The following NAALADL2 variants were observed in gnomAD, a reference collection of about 807,000 sequenced individuals.
NAALADL2 encodes the protein inactive N-acetylated-alpha-linked acidic dipeptidase-like protein 2.
A neutral mutation model predicts 87.2 loss-of-function variants in NAALADL2; 76 were observed. That is an observed-to-expected ratio of 0.87 (90% confidence interval 0.72 to 1.05). The LOEUF is 1.05. Ranked by LOEUF, NAALADL2 falls within the 50% of genes least tolerant of loss-of-function variation. NAALADL2 has a pLI of 0.00. For missense variants in NAALADL2, 1,089 were observed against 945.8 expected, an observed-to-expected ratio of 1.15 and a Z score of -1.99; for synonymous variants, 354 against 331.0, an observed-to-expected ratio of 1.07 and a Z score of -0.75.
At chr3:175,444,652 G>A (rs1389552837) in intron 5 of NAALADL2, among the ~76,000 whole-genome samples, 1 of 152,048 alleles carries the variant, frequency 6.6e-6, no homozygotes, top group Non-Finnish European at 1.5e-5. Flanking sequence ...TAAACAAGAG[G>A]TCCCACATTG....
chr3:175,715,496 T>G (rs1582990985), intron 11 of NAALADL2, among the ~76,000 whole-genome samples: 1 of 152,314 alleles, frequency 6.6e-6, no homozygotes, highest in Non-Finnish European at 1.5e-5. Flanking sequence ...ATTAGATGTC[T>G]TTATTATTTC....
In NAALADL2 at chr3:174,813,193, G is replaced by T. The variant is rs577993242; in HGVS notation, c.-9+75447G>T. Among the ~76,000 whole-genome samples the T allele has an allele frequency of 3.9e-5, 6 of 152,058 alleles. No homozygotes were observed. In the East Asian group the frequency reaches 7.7e-4, roughly 20 times the overall value. Reference sequence around the variant, plus strand: ...TTTTCCAGTGGTATTCAATCTTTTGGCTTCCCTGGTCCACATTGGAAGAAG... The same window carrying T: ...TTTTCCAGTGGTATTCAATCTTTTGTCTTCCCTGGTCCACATTGGAAGAAG... On this transcript the variant is annotated intron_variant, in intron 3 of 3. Transcript: ENST00000434257.
At chr3:175,021,209 G>T (rs562242240) in intron 1 of NAALADL2, among the ~76,000 whole-genome samples, 1 of 151,958 alleles carries the variant, frequency 6.6e-6, no homozygotes, top group Non-Finnish European at 1.5e-5. Flanking sequence ...CCGAATATAC[G>T]CAATTTGTCC....
chr3:175,635,881 A>ATG lies in NAALADL2; in HGVS notation c.1896+8499_1896+8500dup, dbSNP rs1210646831. 2.6e-5 allele frequency among the ~76,000 whole-genome samples: 4 copies of ATG among 152,138 alleles called. No homozygotes were observed. In the East Asian group the frequency reaches 5.8e-4, roughly 22 times the overall value. ...CGACAGATCAAATATCCCTCCAAAAATGTGTTTAAACAAACTTTCTGTATA... is the reference window on the plus strand; with the variant it reads ...CGACAGATCAAATATCCCTCCAAAAATGTGTGTTTAAACAAACTTTCTGTATA... On this transcript the variant is annotated intron_variant, in intron 11 of 13. Transcript: ENST00000454872.
At chr3:174,927,719 G>A (rs1438225205) in intron 1 of NAALADL2, among the ~76,000 whole-genome samples, 1 of 152,132 alleles carries the variant, frequency 6.6e-6, no homozygotes, top group African/African-American at 2.4e-5. Flanking sequence ...GTGTGTAGAG[G>A]GAAATTTATA....
chr3:175,108,632 G>T (rs1427971225), intron 2 of NAALADL2, among the ~76,000 whole-genome samples: 1 of 151,922 alleles, frequency 6.6e-6, no homozygotes, highest in African/African-American at 2.4e-5. Context: ...TACCAATATT[G>T]TATTTCAAGC....
intron 1 of NAALADL2, among the ~76,000 whole-genome samples, chr3:174,943,129 G>A (rs1210091778): frequency 6.6e-6 from 1 of 152,228 alleles, no homozygotes; most frequent in African/African-American, 2.4e-5. Context: ...AGTTACAGGA[G>A]TTCTTGCATT....
chr3:175,716,222 T>G (rs1741234877), intron 11 of NAALADL2, among the ~76,000 whole-genome samples: 1 of 146,062 alleles, frequency 6.8e-6, no homozygotes, highest in African/African-American at 2.5e-5. Flanking sequence ...TATATATGTA[T>G]ATAATATATA....
At chr3:174,592,467 T>C (rs961772492) in intron 2 of NAALADL2, among the ~76,000 whole-genome samples, 7 of 152,118 alleles carry the variant, frequency 4.6e-5, no homozygotes, top group Non-Finnish European at 7.4e-5. Flanking sequence ...GTAATTAGAA[T>C]CAGTAGTTAG....
rs142050931 is a variant in NAALADL2, at chr3:175,328,632, A to G, written c.1090+4307A>G. ...AATTCTAAGAGACTTTAGTGCTTATATAGCAAAAAATCAATTCTCAATCTT... is the reference window on the plus strand; with the variant it reads ...AATTCTAAGAGACTTTAGTGCTTATGTAGCAAAAAATCAATTCTCAATCTT... On this transcript the variant is annotated intron_variant, in intron 5 of 13. Transcript: ENST00000454872. Among the ~76,000 whole-genome samples the G allele has an allele frequency of 4.0e-3, 605 of 152,310 alleles. 4 individuals carry two copies. Among genetic ancestry groups the G allele is most frequent in the African/African-American group, 0.014 (575 of 41,580 alleles).
At chr3:175,146,279 C>T (rs1398289235) in intron 2 of NAALADL2, among the ~76,000 whole-genome samples, 1 of 151,948 alleles carries the variant, frequency 6.6e-6, no homozygotes, top group Non-Finnish European at 1.5e-5. Context: ...AGTCTCTGGT[C>T]TACCCAGAAA....
intron 4 of NAALADL2, among the ~76,000 whole-genome samples, chr3:175,314,686 A>AG (rs1385950446): frequency 3.2e-4 from 10 of 31,438 alleles, no homozygotes; most frequent in South Asian, 1.1e-3. Context: ...ATATATATAT[A>AG]TATATATATA....
At chr3:175,622,992 G>A (rs1228733676) in intron 10 of NAALADL2, among the ~76,000 whole-genome samples, 1 of 151,912 alleles carries the variant, frequency 6.6e-6, no homozygotes, top group Non-Finnish European at 1.5e-5. Flanking sequence ...TGAACAATTT[G>A]AAAACAATAT....
intron 1 of NAALADL2, among the ~76,000 whole-genome samples, chr3:174,990,297 G>T (rs1469043467): frequency 6.6e-6 from 1 of 152,114 alleles, no homozygotes; most frequent in East Asian, 1.9e-4. Flanking sequence ...CTGACAGCTA[G>T]TCTGCTGTCA....
chr3:175,550,403 C>T (rs938314699), intron 9 of NAALADL2, among the ~76,000 whole-genome samples: 1 of 151,654 alleles, frequency 6.6e-6, no homozygotes, highest in African/African-American at 2.4e-5. Flanking sequence ...GATACATGGC[C>T]CAAGGAAGAT....
At chr3:175,712,421 T>C (rs994029368) in intron 11 of NAALADL2, among the ~76,000 whole-genome samples, 4 of 151,980 alleles carry the variant, frequency 2.6e-5, no homozygotes, top group African/African-American at 9.7e-5. Context: ...AAGCAGGAAA[T>C]CTTGGAATGA....
chr3:174,670,434 T>A (rs1265026181), intron 2 of NAALADL2, among the ~76,000 whole-genome samples: 1 of 152,126 alleles, frequency 6.6e-6, no homozygotes, highest in Non-Finnish European at 1.5e-5. Flanking sequence ...GATAAATTTG[T>A]GTCTTTTCCT....
At chr3:174,925,068 C>T (rs189443068) in intron 1 of NAALADL2, among the ~76,000 whole-genome samples, 2 of 151,996 alleles carry the variant, frequency 1.3e-5, no homozygotes, top group African/African-American at 4.8e-5. Flanking sequence ...TAAGCTCTTT[C>T]GTTTAATTAG....
intron 10 of NAALADL2, among the ~76,000 whole-genome samples, chr3:175,598,796 C>A (rs1014261697): frequency 2.0e-5 from 3 of 152,086 alleles, no homozygotes; most frequent in Non-Finnish European, 4.4e-5. Context: ...ACAGTGCACT[C>A]AGGTGCATTC....
Sources: gnomAD v4.1 joint callset for allele counts (sites outside exome capture counted in the v4.1 genomes callset) on GRCh38, gnomAD v4.1.1 for gene constraint, MANE v1.5 for transcripts, NCBI Gene and HGNC (gene_info 2026-07-23, HGNC 2026-07-21) for gene names.